The following SOX5 variants were observed in gnomAD, a reference collection of about 807,000 sequenced individuals.
SOX5 encodes the protein SRY-box transcription factor 5, also known as transcription factor SOX-5.
In SOX5, 9 loss-of-function variants were observed where a neutral mutation model predicts 92.0. The observed-to-expected ratio is 0.10, with a 90% CI of 0.06 to 0.17. The LOEUF (loss-of-function observed/expected upper bound fraction) is 0.17. Among genes scored for constraint, SOX5 ranks in the 10% least tolerant of loss-of-function variants. SOX5 has a pLI of 1.00. For synonymous variants in SOX5, 344 were observed against 336.3 expected (o/e 1.02, Z -0.25); for missense variants, 642 against 944.5 (o/e 0.68, Z 4.20).
intron 4 of SOX5, among the ~76,000 whole-genome samples, chr12:24,062,789 G>A (rs1939984654): frequency 3.3e-5 from 5 of 152,166 alleles, no homozygotes; most frequent in Admixed American, 3.3e-4. Context: ...ATTATGAGAT[G>A]GGATGCTGCC....
intron 4 of SOX5, among the ~76,000 whole-genome samples, chr12:23,961,781 T>A (rs1249939518): frequency 6.6e-6 from 1 of 152,132 alleles, no homozygotes; most frequent in East Asian, 1.9e-4. Flanking sequence ...GAAGAAAAAA[T>A]CAGAAGACTT....
chr12:24,513,633 G>C (rs1949520202), intron 1 of SOX5, among the ~76,000 whole-genome samples: 1 of 152,144 alleles, frequency 6.6e-6, no homozygotes, highest in African/African-American at 2.4e-5. Flanking sequence ...AAATGCTAGA[G>C]CCACTCCCCA....
At position 23,801,388 on chromosome 12, in the gene SOX5, GTTTTT is replaced by G. The variant is rs373846810; in HGVS notation, c.481+44590_481+44594del. Reference sequence around the variant, plus strand: ...TCTTCCAAACCCATTTAAACCTGCAGTTTTTTAAAGGTGGCAATCAAAAGATGGTA... The same window carrying G: ...TCTTCCAAACCCATTTAAACCTGCAGTAAAGGTGGCAATCAAAAGATGGTA... On this transcript the variant is annotated intron_variant, in intron 3 of 14. Coordinates refer to ENST00000451604, the MANE Select transcript of SOX5 (RefSeq NM_006940.6). 9.2e-3 allele frequency among the ~76,000 whole-genome samples: 1,401 copies of G among 152,220 alleles called. 23 individuals carry two copies. The highest frequency in any genetic ancestry group is 0.032 in the African/African-American group (1,335 of 41,536).
chr12:24,262,238 CTT>C (rs879349133), intron 3 of SOX5, among the ~76,000 whole-genome samples: 64 of 152,166 alleles, frequency 4.2e-4, no homozygotes, highest in Non-Finnish European at 6.5e-4. Context: ...GTATGGGACT[CTT>C]TCTTACAGCA....
intron 3 of SOX5, among the ~76,000 whole-genome samples, chr12:23,782,714 A>C (rs2095305950): frequency 6.6e-6 from 1 of 152,188 alleles, no homozygotes; most frequent in South Asian, 2.1e-4. Flanking sequence ...ACAAAGATTT[A>C]TCTCTTTCTA....
intron 4 of SOX5, among the ~76,000 whole-genome samples, chr12:24,030,815 A>C (rs1955420560): frequency 6.6e-6 from 1 of 151,950 alleles, no homozygotes; most frequent in African/African-American, 2.4e-5. Flanking sequence ...TTAATATTTA[A>C]AATATATCAG....
chr12:24,309,448 T>A (rs58801046), intron 2 of SOX5, among the ~76,000 whole-genome samples: 3,180 of 152,278 alleles, frequency 0.021, 106 homozygotes, highest in African/African-American at 0.073. Flanking sequence ...TCTACTTAAT[T>A]ACACATTACA....
At chr12:24,555,034 C>T (rs1953631683) in intron 1 of SOX5, among the ~76,000 whole-genome samples, 1 of 152,208 alleles carries the variant, frequency 6.6e-6, no homozygotes, top group African/African-American at 2.4e-5. Context: ...AATCGAAGGA[C>T]TGCTCATGGC....
At chr12:23,839,828 T>TAA (rs34051233) in intron 3 of SOX5, among the ~76,000 whole-genome samples, 184 of 146,612 alleles carry the variant, frequency 1.3e-3, no homozygotes, top group South Asian at 3.0e-3. Flanking sequence ...CTCAACTTGG[T>TAA]AAAAAAAAAA....
intron 10 of SOX5, among the ~76,000 whole-genome samples, chr12:23,571,806 G>A (rs997179325): frequency 1.5e-4 from 23 of 152,038 alleles, no homozygotes; most frequent in Admixed American, 1.3e-3. Flanking sequence ...AGGCTCTTTA[G>A]GTCTGTGTTC....
intron 6 of SOX5, among the ~76,000 whole-genome samples, chr12:23,696,497 A>G (rs901763694): frequency 2.6e-5 from 4 of 151,796 alleles, no homozygotes; most frequent in Non-Finnish European, 5.9e-5. Flanking sequence ...ATTTGTGTCT[A>G]CTCTGTTTTA....
At chr12:23,936,934 T>G (rs1225424715) in intron 1 of SOX5, among the ~76,000 whole-genome samples, 3 of 150,952 alleles carry the variant, frequency 2.0e-5, no homozygotes, top group Non-Finnish European at 4.5e-5. Context: ...CATTTCAAAC[T>G]TTTAATAATG....
chr12:24,448,793 G>T (rs1393671403), intron 1 of SOX5, among the ~76,000 whole-genome samples: 1 of 151,980 alleles, frequency 6.6e-6, no homozygotes, highest in African/African-American at 2.4e-5. Context: ...ATTATCTCCA[G>T]CCCAGACCTC....
intron 6 of SOX5, among the ~76,000 whole-genome samples, chr12:23,683,868 AAAAT>A (rs774208081): frequency 4.3e-4 from 66 of 152,142 alleles, no homozygotes; most frequent in South Asian, 8.3e-4. Context: ...AGAATGGAAA[AAAAT>A]AAATAAAGAA....
chr12:23,801,949 A>G (rs1226375963), intron 3 of SOX5, among the ~76,000 whole-genome samples: 4 of 152,240 alleles, frequency 2.6e-5, no homozygotes, highest in Admixed American at 1.3e-4. Context: ...CAGAATTTAC[A>G]TATCAACTAT....
chr12:23,714,014 C>T (rs1421002718), intron 6 of SOX5, among the ~76,000 whole-genome samples: 4 of 150,870 alleles, frequency 2.7e-5, no homozygotes, highest in Non-Finnish European at 5.9e-5. Context: ...ATTGCTTGAA[C>T]CTAGGGGGCA....
At chr12:23,828,845 A>T (rs1390697988) in intron 3 of SOX5, among the ~76,000 whole-genome samples, 1 of 152,182 alleles carries the variant, frequency 6.6e-6, no homozygotes. Context: ...AGCAAGGAGC[A>T]CAATCTGGCA....
At chr12:24,169,777 G>T (rs554455496) in intron 4 of SOX5, among the ~76,000 whole-genome samples, 176 of 152,304 alleles carry the variant, frequency 1.2e-3, no homozygotes, top group Non-Finnish European at 2.2e-3. Flanking sequence ...GATATCAGGG[G>T]TCTTCTAGCC....
intron 3 of SOX5, among the ~76,000 whole-genome samples, chr12:24,226,943 A>C (rs1478903647): frequency 1.3e-5 from 2 of 152,208 alleles, no homozygotes; most frequent in Admixed American, 6.5e-5. Flanking sequence ...TTCTCAGCAA[A>C]TATAAGCCTG....
Sources: gnomAD v4.1 joint callset for allele counts (sites outside exome capture counted in the v4.1 genomes callset) on GRCh38, gnomAD v4.1.1 for gene constraint, MANE v1.5 for transcripts, NCBI Gene and HGNC (gene_info 2026-07-23, HGNC 2026-07-21) for gene names.